GRM7: variants seen among roughly 807,000 people sequenced by gnomAD.
The protein encoded by GRM7 is metabotropic glutamate receptor 7.
A neutral mutation model predicts 84.5 loss-of-function variants in GRM7; 35 were observed. The ratio of observed to expected loss-of-function variants is 0.41; its 90% CI spans 0.32 to 0.55. The LOEUF is 0.55. Ranked by LOEUF, GRM7 falls within the 20% of genes least tolerant of loss-of-function variation. The probability of loss-of-function intolerance (pLI) is 0.19; values close to 1 mark genes in which losing one functional copy is unlikely to be tolerated. For synonymous variants in GRM7, 487 were observed against 455.1 expected (o/e 1.07, Z -0.89); for missense variants, 1,003 against 1,194.6 (o/e 0.84, Z 2.36).
At chr3:7,593,804 G>C (rs1695909677) in intron 8 of GRM7, among the ~76,000 whole-genome samples, 1 of 152,118 alleles carries the variant, frequency 6.6e-6, no homozygotes, top group Middle Eastern at 3.2e-3. Flanking sequence ...TTATGTTTTA[G>C]AACGACCACT....
intron 2 of GRM7, among the ~76,000 whole-genome samples, chr3:7,241,537 A>G (rs916632211): frequency 1.3e-5 from 2 of 152,116 alleles, no homozygotes; most frequent in Non-Finnish European, 2.9e-5. Context: ...TTAAACAAAG[A>G]TGATTTACTT....
Position 7,050,975 on chromosome 3 carries a change from T to A in GRM7, c.520-95477T>A, listed in dbSNP as rs140697270. ...TTACATTGTGTAAGCTCCACAGGAC[T>A]GTGAGTAACAGTATTAGAGCTTTAG... On this transcript the variant is annotated intron_variant, in intron 1 of 9. Transcript: ENST00000357716. Among the ~76,000 whole-genome samples, 714 of 152,022 alleles carry A rather than the reference T, an allele frequency of 4.7e-3. 3 individuals are homozygous for A. The highest frequency in any genetic ancestry group is 0.016 in the African/African-American group (680 of 41,560).
At chr3:7,036,218 G>C (rs1215641572) in intron 1 of GRM7, among the ~76,000 whole-genome samples, 2 of 152,166 alleles carry the variant, frequency 1.3e-5, no homozygotes, top group African/African-American at 4.8e-5. Flanking sequence ...AGAAAAGAGA[G>C]GCTGATAAAT....
intron 8 of GRM7, among the ~76,000 whole-genome samples, chr3:7,646,188 G>GTTA (rs567365691): frequency 3.8e-4 from 57 of 151,618 alleles, no homozygotes; most frequent in African/African-American, 8.5e-4. Flanking sequence ...AATTATTATT[G>GTTA]TTATTATTAT....
At chr3:6,957,701 A>G (rs554291732) in intron 1 of GRM7, among the ~76,000 whole-genome samples, 16 of 152,224 alleles carry the variant, frequency 1.1e-4, no homozygotes, top group Admixed American at 2.6e-4. Context: ...CCCATCCCCT[A>G]CTGCTCTATT....
At chr3:7,095,299 A>G (rs1448664654) in intron 1 of GRM7, among the ~76,000 whole-genome samples, 1 of 152,194 alleles carries the variant, frequency 6.6e-6, no homozygotes, top group Non-Finnish European at 1.5e-5. Context: ...CAGATTACTA[A>G]GTGGCTTGAC....
chr3:7,318,517 A>C (rs1700661191), intron 4 of GRM7, among the ~76,000 whole-genome samples: 1 of 152,146 alleles, frequency 6.6e-6, no homozygotes, highest in Non-Finnish European at 1.5e-5. Flanking sequence ...TAAGTTAGCC[A>C]AATGGATGGC....
intron 5 of GRM7, among the ~76,000 whole-genome samples, chr3:7,419,661 G>A (rs145522659): frequency 6.6e-6 from 1 of 152,104 alleles, no homozygotes; most frequent in African/African-American, 2.4e-5. Flanking sequence ...GACTTACCCA[G>A]AACATTTGTC....
chr3:7,143,127 T>C (rs889785243), intron 1 of GRM7, among the ~76,000 whole-genome samples: 3 of 152,234 alleles, frequency 2.0e-5, no homozygotes, highest in Non-Finnish European at 4.4e-5. Flanking sequence ...AGAGAAAGTA[T>C]ATCTAGATAT....
chr3:7,398,203 T>A (rs192424197), intron 4 of GRM7, among the ~76,000 whole-genome samples: 176 of 152,296 alleles, frequency 1.2e-3, no homozygotes, highest in African/African-American at 4.2e-3. Context: ...TTAGGAAATA[T>A]GGCTCAGAAT....
At chr3:6,885,023 A>T (rs1267941284) in intron 1 of GRM7, among the ~76,000 whole-genome samples, 3 of 152,156 alleles carry the variant, frequency 2.0e-5, no homozygotes, top group Non-Finnish European at 2.9e-5. Context: ...TCCCTGGAAA[A>T]TTTGCATTAA....
intron 1 of GRM7, among the ~76,000 whole-genome samples, chr3:6,966,218 G>A (rs756463962): frequency 3.3e-5 from 5 of 152,124 alleles, no homozygotes; most frequent in African/African-American, 1.2e-4. Context: ...TGGTGGCATC[G>A]TTTTAATCTT....
intron 1 of GRM7, among the ~76,000 whole-genome samples, chr3:7,145,907 G>T (rs1406293410): frequency 1.3e-5 from 2 of 152,130 alleles, no homozygotes; most frequent in African/African-American, 2.4e-5. Context: ...TGGGGCAAAG[G>T]GTATTACAGA....
intron 7 of GRM7, among the ~76,000 whole-genome samples, chr3:7,496,253 A>G (rs1350483152): frequency 6.6e-6 from 1 of 152,132 alleles, no homozygotes; most frequent in Non-Finnish European, 1.5e-5. Context: ...ACCCAACAAC[A>G]TCTTGACTCA....
At chr3:7,345,154 C>T (rs1005149773) in intron 4 of GRM7, among the ~76,000 whole-genome samples, 5 of 151,884 alleles carry the variant, frequency 3.3e-5, no homozygotes, top group South Asian at 2.1e-4. Flanking sequence ...ATAGAAATGA[C>T]GTTTGAATTT....
chr3:7,464,287 CATGAG>C (rs1698371906), intron 7 of GRM7, among the ~76,000 whole-genome samples: 1 of 152,034 alleles, frequency 6.6e-6, no homozygotes, highest in African/African-American at 2.4e-5. Flanking sequence ...GATGGCAACA[CATGAG>C]ATGAGGGAGG....
chr3:7,460,099 TAAAAAAAAAAAAAA>T (rs71066013), intron 6 of GRM7, among the ~76,000 whole-genome samples: 3 of 49,544 alleles, frequency 6.1e-5, no homozygotes, highest in South Asian at 1.3e-3. Flanking sequence ...CTTAAAATAG[TAAAAAAAAAAAAAA>T]AAAAAAAAAA....
chr3:7,647,663 T>G lies in GRM7; in HGVS notation c.2452-32386T>G, dbSNP rs138282540. Among the ~76,000 whole-genome samples, 538 of 152,306 alleles carry G rather than the reference T, an allele frequency of 3.5e-3. 5 individuals carry two copies. The highest frequency in any genetic ancestry group is 0.013 in the African/African-American group (522 of 41,560). On this transcript the variant is annotated intron_variant, in intron 8 of 9. Transcript: ENST00000357716. ...GTAATAATAGAGACCACTAGGAGTC[T>G]TCTAGGTGACTAGCGATGGTGGCAG... is the stretch of plus-strand genomic sequence containing the variant.
chr3:7,715,199 C>T (rs1047370542), intron 9 of GRM7, among the ~76,000 whole-genome samples: 1 of 152,148 alleles, frequency 6.6e-6, no homozygotes, highest in African/African-American at 2.4e-5. Flanking sequence ...GTGGCTCACA[C>T]CTGCAATCCC....
Sources: allele counts gnomAD v4.1 joint callset (sites outside exome capture counted in the v4.1 genomes callset), GRCh38; gene constraint gnomAD v4.1.1; transcripts MANE v1.5; gene names NCBI Gene and HGNC (gene_info 2026-07-23, HGNC 2026-07-21).